Variants in TPCN2 observed in about 807,000 individuals in gnomAD.
TPCN2 encodes the protein two pore segment channel 2.
Under a neutral mutation model 111.4 loss-of-function variants are expected in TPCN2, and 92 were observed. The observed-to-expected ratio is 0.83, with a 90% CI of 0.70 to 0.98. The LOEUF is 0.98. TPCN2 is among the 50% of genes least tolerant of loss of function. The probability of loss-of-function intolerance (pLI) is 0.00; values close to 1 mark genes in which losing one functional copy is unlikely to be tolerated. For synonymous variants in TPCN2, 405 were observed against 414.5 expected, an observed-to-expected ratio of 0.98 and a Z score of 0.28; for missense variants, 995 against 980.1, an observed-to-expected ratio of 1.02 and a Z score of -0.20.
chr11:69,063,060 G>T (rs983382592), intron 6 of TPCN2, 70 bp downstream of exon 6: 3 of 1,394,508 alleles, frequency 2.2e-6, no homozygotes, highest in Non-Finnish European at 3.1e-6. Context: ...ACGTGGTTGC[G>T]GGTGGGGCCC....
intron 12 of TPCN2, 48 bp from the exon 13 acceptor site, chr11:69,072,867 G>A (rs375690519): frequency 2.6e-6 from 4 of 1,557,348 alleles, no homozygotes; most frequent in Non-Finnish European, 3.5e-6. Flanking sequence ...CTTCGAGGGC[G>A]CTCACCTTCC....
Position 69,076,602 on chromosome 11 carries a change from C to G in TPCN2, c.1231-1880C>G, listed in dbSNP as rs71464359. On this transcript the variant is annotated intron_variant, in intron 13 of 24. Coordinates refer to ENST00000294309, the MANE Select transcript of TPCN2 (RefSeq NM_139075.4). ...TCTGTCCCTCCACCTGCCCTCCTGCCGTGTCCCTCCACCTGCCCTCCTGCG... is the reference window on the plus strand; with the variant it reads ...TCTGTCCCTCCACCTGCCCTCCTGCGGTGTCCCTCCACCTGCCCTCCTGCG... Among the ~76,000 whole-genome samples, 322 of 41,562 alleles carry G rather than the reference C, an allele frequency of 7.7e-3. 2 individuals carry two copies. Among genetic ancestry groups the G allele is most frequent in the Non-Finnish European group, 0.012 (140 of 11,776 alleles). The allele number at this position is 41,562 out of a possible 152,430, so 27.3% of individuals were successfully genotyped here.
intron 1 of TPCN2, 84 bp from the exon 2 acceptor site, chr11:69,053,949 G>T (rs1854629864): frequency 1.7e-6 from 2 of 1,209,868 alleles, no homozygotes; most frequent in Non-Finnish European, 2.4e-6. Flanking sequence ...ACCACAGCCG[G>T]CATCTTTCCT....
intron 13 of TPCN2, among the ~76,000 whole-genome samples, chr11:69,075,902 A>G (rs894870356): frequency 3.3e-5 from 5 of 152,254 alleles, no homozygotes; most frequent in African/African-American, 9.6e-5. Flanking sequence ...CTTTCTACCC[A>G]GAGACAAGCA....
intron 1 of TPCN2, among the ~76,000 whole-genome samples, chr11:69,052,348 G>A (rs1219975399): frequency 6.6e-6 from 1 of 152,090 alleles, no homozygotes; most frequent in Non-Finnish European, 1.5e-5. Context: ...TTATTCATGG[G>A]ATATATCAGC....
intron 11 of TPCN2, 86 bp from the exon 12 acceptor site, chr11:69,072,541 C>G (rs1590733705): frequency 7.2e-7 from 1 of 1,395,912 alleles, no homozygotes; most frequent in East Asian, 2.4e-5. Flanking sequence ...AAGCTCAAGC[C>G]AGACGCCAGG....
chr11:69,079,089 G>C (rs1855903181), intron 16 of TPCN2, 69 bp downstream of exon 16: 1 of 1,534,566 alleles, frequency 6.5e-7, no homozygotes, highest in Non-Finnish European at 8.7e-7. Flanking sequence ...GCTCTGTGCT[G>C]GCCCATCTCA....
intron 11 of TPCN2, 139 bp from the exon 12 acceptor site, chr11:69,072,488 G>T: frequency 1.3e-6 from 1 of 748,130 alleles, no homozygotes. Context: ...GCTCGTTACA[G>T]GGGCTCTTGG....
In TPCN2 at chr11:69,081,421, G is replaced by A. The variant is rs1213085562; in HGVS notation, c.1611G>A (p.Leu537=). The change falls in exon 18 of 25, where the codon CTG becomes CTA. Residue 537 remains leucine (L), a synonymous_variant. Coordinates refer to ENST00000294309, the MANE Select transcript of TPCN2 (RefSeq NM_139075.4). Reference sequence around the variant, plus strand: ...CCAGGAGGCCGGAGATGGTGGGCCTGCTGTCGCTGTGGGACATGACCCGCA... The same window carrying A: ...CCAGGAGGCCGGAGATGGTGGGCCTACTGTCGCTGTGGGACATGACCCGCA... The part of the protein sequence containing the change: ...HPGWRPEMVG[L]LSLWDMTRML... 4.5e-6 allele frequency: 7 copies of A among 1,559,092 alleles called. No homozygotes were observed. The highest frequency in any genetic ancestry group is 1.7e-6 in the Non-Finnish European group (2 of 1,152,342).
At position 69,086,563 on chromosome 11, in the gene TPCN2, T is replaced by C. The variant is rs371137779; in HGVS notation, c.2044T>C (p.Ser682Pro). 6.2e-6 allele frequency: 10 copies of C among 1,614,062 alleles called. No individual in the cohort carries two copies. The African/African-American group carries it at 1.3e-4, about 22-fold the overall frequency. Reference protein sequence around the residue: ...IYFVLWWLVSSVIWVNLFLAL... With the variant: ...IYFVLWWLVSPVIWVNLFLAL... ...TTTTGTATTGTGGTGGCTGGTGTCGTCTGTCATCTGGGTCAACCTGTTTCT... is the reference window on the plus strand; with the variant it reads ...TTTTGTATTGTGGTGGCTGGTGTCGCCTGTCATCTGGGTCAACCTGTTTCT... Residue 682 changes from serine to proline, a missense_variant, in exon 23 of 25, where the codon TCT (serine) becomes CCT (proline). Coordinates refer to ENST00000294309, the MANE Select transcript of TPCN2 (RefSeq NM_139075.4).
In TPCN2 at chr11:69,085,718, T is replaced by C. The variant is rs1156773660; in HGVS notation, c.1886T>C (p.Leu629Pro). Reference sequence around the variant, plus strand: ...GCGCCCTGTGGGAGCTTCGAGCAGCTGGAGTACTGGGCCAACAACTTCGAT... The same window carrying C: ...GCGCCCTGTGGGAGCTTCGAGCAGCCGGAGTACTGGGCCAACAACTTCGAT... ...GSAPCGSFEQ[L>P]EYWANNFDDF... Residue 629 changes from leucine to proline, a missense_variant, in exon 21 of 25, where the codon CTG (leucine) becomes CCG (proline). By Grantham distance (98) the Leu-to-Pro change is moderately conservative (BLOSUM62 -3). Transcript: ENST00000294309. 6.2e-7 allele frequency: 1 copy of C among 1,614,116 alleles called. No homozygotes were observed.
chr11:69,066,895 C>T (rs1164805248), intron 7 of TPCN2, among the ~76,000 whole-genome samples: 1 of 152,182 alleles, frequency 6.6e-6, no homozygotes, highest in Non-Finnish European at 1.5e-5. Flanking sequence ...CGAGCAGAAA[C>T]ACTGCATGTG....
chr11:69,071,548 C>T, intron 10 of TPCN2, 128 bp downstream of exon 10: 1 of 809,380 alleles, frequency 1.2e-6, no homozygotes, highest in Non-Finnish European at 2.0e-6. Context: ...GCAGGGTTGC[C>T]ACCTCTTGTG....
chr11:69,086,488 T>C (rs766645024), intron 22 of TPCN2, 35 bp from the exon 23 acceptor site: 14 of 1,587,518 alleles, frequency 8.8e-6, no homozygotes, highest in Admixed American at 3.3e-5. Flanking sequence ...GCTTTGCTCA[T>C]CGTGGTTCAC....
intron 5 of TPCN2, among the ~76,000 whole-genome samples, chr11:69,059,856 C>T (rs1223897375): frequency 6.6e-6 from 1 of 152,370 alleles, no homozygotes; most frequent in East Asian, 1.9e-4. Context: ...GGGCTGGTAC[C>T]TGGCCCTGCC....
chr11:69,065,087 ATGTC>A (rs1307920560), intron 7 of TPCN2, among the ~76,000 whole-genome samples: 1 of 148,304 alleles, frequency 6.7e-6, no homozygotes, highest in Non-Finnish European at 1.5e-5. Flanking sequence ...TGGTGTCTGT[ATGTC>A]TCTGCGTGCG....
chr11:69,074,383 C>A (rs1056992691), intron 13 of TPCN2, among the ~76,000 whole-genome samples: 4 of 152,232 alleles, frequency 2.6e-5, no homozygotes, highest in Non-Finnish European at 5.9e-5. Flanking sequence ...TTTGAATATT[C>A]ACGCCATCAA....
intron 13 of TPCN2, 58 bp downstream of exon 13, chr11:69,073,059 C>T (rs1855607585): frequency 7.2e-6 from 9 of 1,253,234 alleles, no homozygotes; most frequent in Non-Finnish European, 9.4e-6. Flanking sequence ...TTTCCCCTGC[C>T]CTTGATCACC....
In TPCN2 at chr11:69,087,855, A is replaced by G. The variant is rs755039114; in HGVS notation, c.2181-20A>G. ...CCCTCCTTTAGAGGCCCCTGTGTGC[A>G]TCTTTCCTCAATTCCACAGGGATAT... On this transcript the variant is annotated intron_variant, in intron 24 of 24. Transcript: ENST00000294309. 2 of 1,606,868 alleles carry G rather than the reference A, an allele frequency of 1.2e-6. No individual in the cohort carries two copies. Among genetic ancestry groups the G allele is most frequent in the Admixed American group, 1.7e-5 (1 of 59,614 alleles).
Sources: allele counts gnomAD v4.1 joint callset (sites outside exome capture counted in the v4.1 genomes callset), GRCh38; gene constraint gnomAD v4.1.1; transcripts MANE v1.5; gene names NCBI Gene and HGNC (gene_info 2026-07-23, HGNC 2026-07-21).